The following MYOF variants were observed in gnomAD, a reference collection of about 807,000 sequenced individuals.
MYOF encodes the protein myoferlin.
Under a neutral mutation model 284.2 loss-of-function variants are expected in MYOF, and 244 were observed. The observed-to-expected ratio is 0.86, with a 90% CI of 0.77 to 0.95. MYOF has a LOEUF of 0.95. Among genes scored for constraint, MYOF ranks in the 40% least tolerant of loss-of-function variants. The probability of loss-of-function intolerance (pLI) is 0.00; values close to 1 mark genes in which losing one functional copy is unlikely to be tolerated. For missense variants in MYOF, 2,496 were observed against 2,560.6 expected (o/e 0.97, Z 0.54); for synonymous variants, 904 against 919.7 (o/e 0.98, Z 0.31).
Position 93,402,221 on chromosome 10 carries a change from T to C in MYOF, c.990+11A>G, listed in dbSNP as rs1389631664. 15 of 1,606,180 alleles carry C rather than the reference T, an allele frequency of 9.3e-6. No individual in the cohort carries two copies. Among genetic ancestry groups the C allele is most frequent in the Non-Finnish European group, 1.3e-5 (15 of 1,172,882 alleles). ...TGAGAAGTGTAGAAAGTAGAGAATG[T>C]AGGGACTCACAGGAGGCTCATCTCC... On this transcript the variant is annotated intron_variant, in intron 11 of 53. Coordinates refer to ENST00000359263, the MANE Select transcript of MYOF (RefSeq NM_013451.4).
intron 31 of MYOF, among the ~76,000 whole-genome samples, chr10:93,355,148 T>C (rs1844737166): frequency 6.6e-6 from 1 of 152,258 alleles, no homozygotes; most frequent in Non-Finnish European, 1.5e-5. Flanking sequence ...ATATGTGATA[T>C]GGTTTTCAAC....
intron 3 of MYOF, among the ~76,000 whole-genome samples, chr10:93,438,611 G>T (rs1489965030): frequency 1.3e-5 from 2 of 152,024 alleles, no homozygotes; most frequent in Non-Finnish European, 2.9e-5. Context: ...TAATACCCAG[G>T]AAGTCCGAGA....
intron 30 of MYOF, 128 bp from the exon 31 acceptor site, chr10:93,355,864 C>A: frequency 1.6e-6 from 1 of 639,574 alleles, no homozygotes; most frequent in Non-Finnish European, 2.7e-6. Flanking sequence ...CGTGCAAACA[C>A]CCCATTTTTA....
chr10:93,448,313 C>G (rs1203450961), intron 3 of MYOF, among the ~76,000 whole-genome samples: 1 of 151,960 alleles, frequency 6.6e-6, no homozygotes, highest in Non-Finnish European at 1.5e-5. Flanking sequence ...CAATTGTCAC[C>G]TTATCACCAC....
chr10:93,333,168 G>A, intron 43 of MYOF, 53 bp downstream of exon 43: 1 of 1,432,894 alleles, frequency 7.0e-7, no homozygotes, highest in Non-Finnish European at 9.9e-7. Flanking sequence ...GAGTCTTCAT[G>A]CATGTTCCGT....
intron 43 of MYOF, among the ~76,000 whole-genome samples, chr10:93,330,675 G>A (rs143726329): frequency 1.6e-3 from 240 of 152,186 alleles, no homozygotes; most frequent in African/African-American, 5.5e-3. Flanking sequence ...GGTGGGCTTT[G>A]GGCTCTGTAT....
chr10:93,385,283 T>C (rs1256896445), intron 19 of MYOF, among the ~76,000 whole-genome samples: 1 of 152,206 alleles, frequency 6.6e-6, no homozygotes, highest in African/African-American at 2.4e-5. Context: ...GTCTGCCTGA[T>C]TCTTACTGTG....
chr10:93,412,405 T>C (rs1847932354), intron 5 of MYOF, among the ~76,000 whole-genome samples: 1 of 152,172 alleles, frequency 6.6e-6, no homozygotes, highest in South Asian at 2.1e-4. Context: ...ACCTGCTGTC[T>C]CTCTTAGGGC....
chr10:93,319,536 T>A lies in MYOF; in HGVS notation c.5598+336A>T, dbSNP rs77277593. On this transcript the variant is annotated intron_variant, in intron 49 of 53. Transcript: ENST00000359263. ...GGCCTCTGCTTGACTCTGCCTAGCA[T>A]GGGAAGACATCAGTCTCCCCATCAC... 6.1e-4 allele frequency among the ~76,000 whole-genome samples: 93 copies of A among 152,284 alleles called. 1 individual carries two copies. In the East Asian group the frequency reaches 0.013, roughly 21 times the overall value.
intron 49 of MYOF, among the ~76,000 whole-genome samples, chr10:93,319,605 G>A (rs58412410): frequency 0.02 from 3,038 of 152,098 alleles, 116 homozygotes; most frequent in African/African-American, 0.067. Flanking sequence ...ATACAAAACC[G>A]TTACTTCTAC....
Position 93,388,002 on chromosome 10 carries a change from AG to A in MYOF, c.1582-90del, listed in dbSNP as rs965086099. ...TAGTCAGGCTAATACAACTGCAAAA[AG>A]TTTCTCCTTCCCATGGCCCTAACCT... On this transcript the variant is annotated intron_variant, in intron 18 of 53. Coordinates refer to ENST00000359263, the MANE Select transcript of MYOF (RefSeq NM_013451.4). 34 of 997,092 alleles carry A rather than the reference AG, an allele frequency of 3.4e-5. No homozygotes were observed. In the African/African-American group the frequency reaches 4.8e-4, roughly 14 times the overall value. The allele number at this position is 997,092 out of a possible 1,614,324, so 61.8% of individuals were successfully genotyped here.
intron 3 of MYOF, among the ~76,000 whole-genome samples, chr10:93,450,616 C>G (rs762531461): frequency 5.3e-5 from 8 of 152,066 alleles, no homozygotes; most frequent in African/African-American, 1.9e-4. Context: ...AACCCAGCCA[C>G]GTTGACTGCA....
intron 1 of MYOF, chr10:93,478,206 A>G (rs3938769): frequency 0.79 from 269,893 of 342,066 alleles, 107,688 homozygotes; most frequent in Non-Finnish European, 0.83. Flanking sequence ...ACTGTTTGGA[A>G]GAATCATCAA....
In MYOF at chr10:93,394,448, CTTTTTTTTTT is replaced by C. The variant is rs33970988; in HGVS notation, c.1418-1503_1418-1494del. 4.5e-3 allele frequency among the ~76,000 whole-genome samples: 128 copies of C among 28,696 alleles called. 4 individuals are homozygous for C. The highest frequency in any genetic ancestry group is 0.015 in the Admixed American group (23 of 1,490). 18.8% of individuals were successfully genotyped at this position (28,696 alleles called of 152,430 possible). ...ATATCTCCTTTGGTCACCATCTTGT[CTTTTTTTTTT>C]TTTTTTTTTTTTTTTTTTTTGAGAC... is the stretch of plus-strand genomic sequence containing the variant. On this transcript the variant is annotated intron_variant, in intron 16 of 53. Transcript: ENST00000359263.
intron 3 of MYOF, among the ~76,000 whole-genome samples, chr10:93,441,826 G>A (rs1177556241): frequency 6.6e-6 from 1 of 152,084 alleles, no homozygotes; most frequent in Non-Finnish European, 1.5e-5. Context: ...GCCTCCCAAA[G>A]TGCTAGAATT....
chr10:93,344,965 G>T (rs560526569), intron 37 of MYOF, among the ~76,000 whole-genome samples: 1 of 152,240 alleles, frequency 6.6e-6, no homozygotes, highest in East Asian at 1.9e-4. Context: ...TACTACATTT[G>T]ATTCAGCTAA....
At chr10:93,320,893 T>C (rs1226568701) in intron 48 of MYOF, among the ~76,000 whole-genome samples, 1 of 152,050 alleles carries the variant, frequency 6.6e-6, no homozygotes, top group Non-Finnish European at 1.5e-5. Context: ...TAGAGATTCA[T>C]GGTAGGAGGC....
At chr10:93,347,569 A>AAAAAAAT in intron 37 of MYOF, 48 bp downstream of exon 37, 1 of 1,465,564 alleles carries the variant, frequency 6.8e-7, no homozygotes, top group Non-Finnish European at 9.0e-7. Flanking sequence ...AAAAAAAAAA[A>AAAAAAAT]AAAAAAAAAG....
chr10:93,359,773 G>A, intron 29 of MYOF, 60 bp downstream of exon 29: 1 of 1,600,664 alleles, frequency 6.2e-7, no homozygotes, highest in Non-Finnish European at 8.5e-7. Flanking sequence ...AGTTAGCTGG[G>A]ACTTTGTAGT....
Sources: allele counts gnomAD v4.1 joint callset (sites outside exome capture counted in the v4.1 genomes callset), GRCh38; gene constraint gnomAD v4.1.1; transcripts MANE v1.5; gene names NCBI Gene and HGNC (gene_info 2026-07-23, HGNC 2026-07-21).